Variants in CAPN8 observed in about 807,000 individuals in gnomAD.
The protein encoded by CAPN8 is calpain 8, also known as calpain-8.
Under a neutral mutation model 80.9 loss-of-function variants are expected in CAPN8, and 87 were observed. The ratio of observed to expected loss-of-function variants is 1.07; its 90% CI spans 0.90 to 1.28. The LOEUF is 1.28. CAPN8 is among the 50% of genes most tolerant of loss of function. CAPN8 has a pLI of 0.00. For synonymous variants in CAPN8, 299 were observed against 273.8 expected, an observed-to-expected ratio of 1.09 and a Z score of -0.91; for missense variants, 757 against 702.0, an observed-to-expected ratio of 1.08 and a Z score of -0.89.
intron 1 of CAPN8, among the ~76,000 whole-genome samples, chr1:223,661,311 C>T (rs1658639263): frequency 6.6e-6 from 1 of 152,180 alleles, no homozygotes; most frequent in African/African-American, 2.4e-5. Context: ...TGTCACCTCA[C>T]ACCCATTAGA....
At chr1:223,616,206 A>C in intron 9 of CAPN8, 61 bp from the exon 10 acceptor site, 1 of 1,486,322 alleles carries the variant, frequency 6.7e-7, no homozygotes, top group South Asian at 1.4e-5. Context: ...GAAGAAGAAT[A>C]AAGTAAAAGG....
chr1:223,645,207 G>GGAAGACTC (rs1367276433), intron 2 of CAPN8, among the ~76,000 whole-genome samples: 5 of 152,120 alleles, frequency 3.3e-5, no homozygotes, highest in African/African-American at 1.2e-4. Context: ...GATGAAGGCC[G>GGAAGACTC]GAAGACTCGG....
At chr1:223,654,681 A>C (rs1658431104) in intron 1 of CAPN8, among the ~76,000 whole-genome samples, 1 of 151,728 alleles carries the variant, frequency 6.6e-6, no homozygotes, top group African/African-American at 2.4e-5. Flanking sequence ...ATTTTATTTT[A>C]TTTTAAGTTT....
chr1:223,651,640 G>A (rs1658344497), intron 2 of CAPN8, among the ~76,000 whole-genome samples: 1 of 152,206 alleles, frequency 6.6e-6, no homozygotes, highest in Non-Finnish European at 1.5e-5. Flanking sequence ...AATATGAAGT[G>A]CGAACAAGGA....
intron 17 of CAPN8, 125 bp from the exon 18 acceptor site, chr1:223,544,975 C>G: frequency 6.7e-7 from 1 of 1,494,282 alleles, no homozygotes; most frequent in East Asian, 2.5e-5. Context: ...CCTATTGACT[C>G]CTCCCAAGAA....
chr1:223,628,642 G>A lies in CAPN8; in HGVS notation c.426+20C>T. ...AGAATACGGAAAACAGCAACAAAGG[G>A]CCAGAGCAGAGCACAGTACCTGAAA... On this transcript the variant is annotated intron_variant, in intron 3 of 20. Transcript: ENST00000366872. 3.9e-6 allele frequency: 6 copies of A among 1,532,528 alleles called. No individual in the cohort carries two copies. Among genetic ancestry groups the A allele is most frequent in the Non-Finnish European group, 5.3e-6 (6 of 1,129,638 alleles). 94.9% of individuals were successfully genotyped at this position (1,532,528 alleles called of 1,614,324 possible). A position where few individuals can be genotyped will look rare whatever the true frequency, so the allele number is the denominator to read the frequency against.
At chr1:223,622,938 A>G (rs538419088) in intron 6 of CAPN8, 38 bp from the exon 7 acceptor site, 61 of 1,500,562 alleles carry the variant, frequency 4.1e-5, no homozygotes, top group Middle Eastern at 1.7e-4. Context: ...CTGAATTACT[A>G]TGCTCCTGTT....
rs1558343470 is a variant in CAPN8 at position 223,620,170 on chromosome 1, C to T, written c.974+22G>A. 3.9e-6 allele frequency: 6 copies of T among 1,550,072 alleles called. No homozygotes were observed. The African/African-American group carries it at 4.1e-5, about 11-fold the overall frequency. On this transcript the variant is annotated intron_variant, in intron 8 of 20. Coordinates refer to ENST00000366872, the MANE Select transcript of CAPN8 (RefSeq NM_001143962.2). ...TGGACCCATCACCAATGGGACAGCGCTTCAGCAGAAAACTCTCTCACCAGA... is the reference window on the plus strand; with the variant it reads ...TGGACCCATCACCAATGGGACAGCGTTTCAGCAGAAAACTCTCTCACCAGA...
At chr1:223,615,577 C>T (rs1172394412) in intron 10 of CAPN8, among the ~76,000 whole-genome samples, 2 of 152,182 alleles carry the variant, frequency 1.3e-5, no homozygotes, top group South Asian at 2.1e-4. Flanking sequence ...GCTCCCATAT[C>T]CAGCCTCCTT....
At chr1:223,642,777 A>G (rs372308316) in intron 2 of CAPN8, 281 of 455,552 alleles carry the variant, frequency 6.2e-4, no homozygotes, top group African/African-American at 5.3e-3. Context: ...AGATTATTTC[A>G]GAGTTCCTCC....
chr1:223,544,725 T>C (rs372402009), intron 18 of CAPN8, 47 bp downstream of exon 18: 50 of 1,545,368 alleles, frequency 3.2e-5, no homozygotes, highest in Middle Eastern at 3.4e-4. Context: ...ATATTTACAA[T>C]GTGCACACCT....
At chr1:223,545,017 T>G in intron 17 of CAPN8, 167 bp from the exon 18 acceptor site, 1 of 1,417,214 alleles carries the variant, frequency 7.1e-7, no homozygotes, top group Non-Finnish European at 9.4e-7. Context: ...GCTTGGCCAG[T>G]GCTGGCCCCT....
rs1421203006 is a variant in CAPN8, at chr1:223,542,663, G to T, written c.2088+445C>A. Among the ~76,000 whole-genome samples the T allele has an allele frequency of 2.0e-5, 3 of 152,152 alleles. No homozygotes were observed. In the East Asian group the frequency reaches 5.8e-4, roughly 29 times the overall value. On this transcript the variant is annotated intron_variant, in intron 20 of 20. Transcript: ENST00000366872. ...GCAGTGTCCACGGGGGAAGTACTCTGATTTTTTCTGCAAAAACATTATGTG... is the reference window on the plus strand; with the variant it reads ...GCAGTGTCCACGGGGGAAGTACTCTTATTTTTTCTGCAAAAACATTATGTG...
At chr1:223,629,197 A>AGT (rs113967295) in intron 2 of CAPN8, among the ~76,000 whole-genome samples, 3,869 of 95,206 alleles carry the variant, frequency 0.041, 132 homozygotes, top group East Asian at 0.17. Context: ...TACGTGTAAG[A>AGT]GTGTGTGTGT....
At chr1:223,542,994 G>A in intron 20 of CAPN8, 114 bp downstream of exon 20, 1 of 1,143,536 alleles carries the variant, frequency 8.7e-7, no homozygotes, top group South Asian at 1.5e-5. Context: ...AACATGCATG[G>A]TATTCACATG....
intron 16 of CAPN8, among the ~76,000 whole-genome samples, chr1:223,546,579 T>G (rs1656627306): frequency 6.6e-6 from 1 of 152,206 alleles, no homozygotes. Flanking sequence ...AACAGTAGTA[T>G]GCAAAGGAAG....
chr1:223,627,233 GC>G (rs1572242119), intron 4 of CAPN8, 76 bp from the exon 5 acceptor site: 12 of 1,449,692 alleles, frequency 8.3e-6, no homozygotes, highest in East Asian at 2.5e-5. Flanking sequence ...CCGGGACAGT[GC>G]TAGGACATAC....
At chr1:223,554,716 A>T (rs1485059639) in intron 13 of CAPN8, among the ~76,000 whole-genome samples, 4 of 152,240 alleles carry the variant, frequency 2.6e-5, no homozygotes, top group Admixed American at 2.6e-4. Flanking sequence ...CAAATAGCAG[A>T]TTGTACCCTT....
intron 2 of CAPN8, chr1:223,642,707 A>T (rs1226305595): frequency 2.3e-6 from 1 of 430,622 alleles, no homozygotes; most frequent in East Asian, 7.0e-5. Flanking sequence ...GTGGAGAGGA[A>T]AAGGAAAAAG....
Sources: allele counts gnomAD v4.1 joint callset (sites outside exome capture counted in the v4.1 genomes callset), GRCh38; gene constraint gnomAD v4.1.1; transcripts MANE v1.5; gene names NCBI Gene and HGNC (gene_info 2026-07-23, HGNC 2026-07-21).